NTNG1: variants seen among roughly 807,000 people sequenced by gnomAD.
NTNG1 encodes the protein netrin-G1.
Under a neutral mutation model 54.0 loss-of-function variants are expected in NTNG1, and 16 were observed. That is an observed-to-expected ratio of 0.30 (90% CI 0.20 to 0.45). The LOEUF (loss-of-function observed/expected upper bound fraction) is 0.45, where lower values mean the gene tolerates loss of function less well. NTNG1 is among the 20% of genes least tolerant of loss of function. NTNG1 has a pLI of 1.00. For synonymous variants in NTNG1, 255 were observed against 263.1 expected, an observed-to-expected ratio of 0.97 and a Z score of 0.30; for missense variants, 530 against 678.7, an observed-to-expected ratio of 0.78 and a Z score of 2.43.
chr1:107,437,796 TTG>T (rs1675699946), intron 7 of NTNG1, among the ~76,000 whole-genome samples: 1 of 152,194 alleles, frequency 6.6e-6, no homozygotes, highest in African/African-American at 2.4e-5. Context: ...TGTTTTTTTA[TTG>T]TCTTTGAAGT....
chr1:107,204,129 G>A (rs1056319153), intron 2 of NTNG1, among the ~76,000 whole-genome samples: 7 of 151,584 alleles, frequency 4.6e-5, no homozygotes, highest in Non-Finnish European at 1.0e-4. Context: ...TTTCTGTTTT[G>A]TTTTGTTTTG....
chr1:107,238,894 G>T (rs1210079211), intron 2 of NTNG1, among the ~76,000 whole-genome samples: 5 of 150,396 alleles, frequency 3.3e-5, no homozygotes, highest in Non-Finnish European at 7.4e-5. Context: ...GCATTGTCTT[G>T]TATTAAGGTA....
At chr1:107,477,689 T>C (rs959275469) in intron 7 of NTNG1, among the ~76,000 whole-genome samples, 6 of 149,386 alleles carry the variant, frequency 4.0e-5, no homozygotes, top group Non-Finnish European at 7.4e-5. Flanking sequence ...TACTATCATG[T>C]GAGTTTCCCC....
intron 2 of NTNG1, among the ~76,000 whole-genome samples, chr1:107,315,090 C>G (rs1183088120): frequency 1.3e-5 from 2 of 152,180 alleles, no homozygotes; most frequent in Non-Finnish European, 2.9e-5. Flanking sequence ...TAAAAAGTAC[C>G]ACCAAACACC....
At chr1:107,259,712 T>C (rs1021481287) in intron 2 of NTNG1, among the ~76,000 whole-genome samples, 3 of 152,210 alleles carry the variant, frequency 2.0e-5, no homozygotes, top group African/African-American at 7.2e-5. Context: ...CATCTTACTA[T>C]TTGCTTTGTT....
intron 2 of NTNG1, among the ~76,000 whole-genome samples, chr1:107,293,831 G>A (rs1665778053): frequency 6.6e-6 from 1 of 152,160 alleles, no homozygotes; most frequent in African/African-American, 2.4e-5. Flanking sequence ...AATATAGAGT[G>A]AAATAATTTA....
intron 1 of NTNG1, among the ~76,000 whole-genome samples, chr1:107,141,914 C>A (rs1455520789): frequency 6.6e-6 from 1 of 152,122 alleles, no homozygotes. Context: ...AAACACTTGC[C>A]CTATTGCCGG....
intron 1 of NTNG1, among the ~76,000 whole-genome samples, chr1:107,144,457 C>A (rs1390508625): frequency 6.6e-6 from 1 of 152,084 alleles, no homozygotes; most frequent in African/African-American, 2.4e-5. Flanking sequence ...ATGCTGAAAA[C>A]CAGCTAGATT....
intron 2 of NTNG1, among the ~76,000 whole-genome samples, chr1:107,319,865 T>TTATATACATATATATATATATATATATA (rs1667553536): frequency 6.8e-6 from 1 of 147,872 alleles, no homozygotes; most frequent in African/African-American, 2.5e-5. Flanking sequence ...TACCTGAGGT[T>TTATATACATATATATATATATATATATA]TATATATATA....
intron 2 of NTNG1, among the ~76,000 whole-genome samples, chr1:107,152,358 C>A (rs1470696417): frequency 6.6e-6 from 1 of 152,058 alleles, no homozygotes. Context: ...TTTCAATTTG[C>A]ATAAAGAGCA....
intron 2 of NTNG1, among the ~76,000 whole-genome samples, chr1:107,290,247 A>C (rs1194279558): frequency 6.6e-6 from 1 of 152,222 alleles, no homozygotes; most frequent in African/African-American, 2.4e-5. Context: ...AAATAGAATT[A>C]TCTCACAATT....
chr1:107,171,725 C>T (rs1656253261), intron 2 of NTNG1, among the ~76,000 whole-genome samples: 1 of 152,088 alleles, frequency 6.6e-6, no homozygotes, highest in Non-Finnish European at 1.5e-5. Flanking sequence ...ACATAACTGC[C>T]ATCCACCCTC....
rs558864740 is a variant in NTNG1, at chr1:107,250,123, T to C, written c.247-74159T>C. 2.0e-5 allele frequency among the ~76,000 whole-genome samples: 3 copies of C among 152,334 alleles called. No individual in the cohort carries two copies. The East Asian group carries it at 5.8e-4, about 29-fold the overall frequency. On this transcript the variant is annotated intron_variant, in intron 2 of 7. Transcript: ENST00000370068. ...TGGCACAAATTTATACCTTTAGACA[T>C]AGGTCCAGATTGTTACTGTCTTCAT...
At chr1:107,183,663 G>C (rs926717361) in intron 2 of NTNG1, among the ~76,000 whole-genome samples, 2 of 152,114 alleles carry the variant, frequency 1.3e-5, no homozygotes, top group Admixed American at 1.3e-4. Flanking sequence ...ATGCTTCATA[G>C]AAATGTCACT....
intron 2 of NTNG1, among the ~76,000 whole-genome samples, chr1:107,158,021 G>T (rs1655129030): frequency 6.6e-6 from 1 of 152,128 alleles, no homozygotes; most frequent in Non-Finnish European, 1.5e-5. Flanking sequence ...TCATCTGAGT[G>T]CCTGCTTCTG....
chr1:107,482,488 C>T lies in NTNG1; in HGVS notation c.*1648C>T, dbSNP rs368385641. 1.3e-5 allele frequency: 2 copies of T among 152,212 alleles called. No homozygotes were observed. The highest frequency in any genetic ancestry group is 1.9e-4 in the East Asian group (1 of 5,190). The allele number at this position is 152,212 out of a possible 1,614,324, so 9.4% of individuals were successfully genotyped here. On this transcript the variant is annotated 3_prime_UTR_variant, in exon 8 of 8. Coordinates refer to ENST00000370068, the MANE Select transcript of NTNG1 (RefSeq NM_001113226.3). Reference sequence around the variant, plus strand: ...GCAAGGGGAGGCAGGTGGGGAAGAACCTTTGCAAAGTTTCAAAGAGGCTAA... The same window carrying T: ...GCAAGGGGAGGCAGGTGGGGAAGAATCTTTGCAAAGTTTCAAAGAGGCTAA...
chr1:107,298,016 A>G (rs1429305135), intron 2 of NTNG1, among the ~76,000 whole-genome samples: 2 of 152,162 alleles, frequency 1.3e-5, no homozygotes, highest in Non-Finnish European at 2.9e-5. Context: ...AATCAGCCAT[A>G]CCCAGAATAC....
chr1:107,311,356 G>A (rs894625336), intron 2 of NTNG1, among the ~76,000 whole-genome samples: 1 of 152,050 alleles, frequency 6.6e-6, no homozygotes, highest in African/African-American at 2.4e-5. Flanking sequence ...GAAGCCACTA[G>A]GAGAAATACT....
chr1:107,376,317 G>A (rs369609742), intron 3 of NTNG1, among the ~76,000 whole-genome samples: 11,674 of 151,906 alleles, frequency 0.077, 513 homozygotes, highest in Middle Eastern at 0.12. Flanking sequence ...CTGAGGCATG[G>A]GAATGGCGTG....
Sources: allele counts gnomAD v4.1 joint callset (sites outside exome capture counted in the v4.1 genomes callset), GRCh38; gene constraint gnomAD v4.1.1; transcripts MANE v1.5; gene names NCBI Gene and HGNC (gene_info 2026-07-23, HGNC 2026-07-21).